The following F5 variants were observed in gnomAD, a reference collection of about 807,000 sequenced individuals.
F5 encodes coagulation factor V, also known as activated protein c cofactor.
A neutral mutation model predicts 216.4 loss-of-function variants in F5; 138 were observed. The observed-to-expected ratio is 0.64, with a 90% CI of 0.56 to 0.73. The LOEUF (loss-of-function observed/expected upper bound fraction) is 0.73, where lower values mean the gene tolerates loss of function less well. Among genes scored for constraint, F5 ranks in the 30% least tolerant of loss-of-function variants. F5 has a pLI of 0.00. For missense variants in F5, 2,403 were observed against 2,674.0 expected (o/e 0.90, Z 2.24); for synonymous variants, 916 against 930.7 (o/e 0.98, Z 0.29).
chr1:169,572,432 G>A lies in F5; in HGVS notation c.251-89C>T, dbSNP rs1660747552. 3 of 1,488,316 alleles carry A rather than the reference G, an allele frequency of 2.0e-6. No individual in the cohort carries two copies. The South Asian group carries it at 3.4e-5, about 17-fold the overall frequency. The allele number at this position is 1,488,316 out of a possible 1,614,324, so 92.2% of individuals were successfully genotyped here. On this transcript the variant is annotated intron_variant, in intron 2 of 24. Coordinates refer to ENST00000367797, the MANE Select transcript of F5 (RefSeq NM_000130.5). ...AAGAAAAACAAACAGATGATACCAA[G>A]AGTGATTGCTACCATTCCTCCTGGT... is the stretch of plus-strand genomic sequence containing the variant.
intron 13 of F5, among the ~76,000 whole-genome samples, chr1:169,538,892 T>C (rs1180280930): frequency 6.6e-6 from 1 of 152,136 alleles, no homozygotes; most frequent in Non-Finnish European, 1.5e-5. Flanking sequence ...ATCAGTGTGC[T>C]GGTTGTGATA....
rs920842983 is a variant in F5, at chr1:169,513,929, C to T, written c.*384G>A. Among the ~76,000 whole-genome samples, 4 of 152,102 alleles carry T rather than the reference C, an allele frequency of 2.6e-5. No individual in the cohort carries two copies. The highest frequency in any genetic ancestry group is 2.6e-4 in the Admixed American group (4 of 15,254). ...AAATCATGTGTTTGTGAAAGTTATC[C>T]AGGTCTATCAATTATTATTTAAAGT... On this transcript the variant is annotated 3_prime_UTR_variant, in exon 25 of 25. Transcript: ENST00000367797.
In F5 at chr1:169,512,880, C is replaced by T. The variant is rs1324064139; in HGVS notation, c.*1433G>A. ...TATGCAGTTCCCTTCTACACTGAAT[C>T]GAGACTGGCCTGTAATTTGTGTTCA... On this transcript the variant is annotated 3_prime_UTR_variant, in exon 25 of 25. Transcript: ENST00000367797. 4.6e-5 allele frequency among the ~76,000 whole-genome samples: 7 copies of T among 152,052 alleles called. No homozygotes were observed. Among genetic ancestry groups the T allele is most frequent in the Non-Finnish European group, 1.0e-4 (7 of 67,986 alleles).
chr1:169,515,859 T>C (rs1054129401), intron 23 of F5: 4 of 524,050 alleles, frequency 7.6e-6, no homozygotes. Flanking sequence ...CTTCTTAGCA[T>C]TCCTTACTGC....
At chr1:169,518,777 C>T (rs1487610651) in intron 22 of F5, among the ~76,000 whole-genome samples, 1 of 152,070 alleles carries the variant, frequency 6.6e-6, no homozygotes, top group Non-Finnish European at 1.5e-5. Context: ...TTAGTACAGC[C>T]AAAACACAGT....
chr1:169,522,277 G>T (rs1659327790), intron 21 of F5, among the ~76,000 whole-genome samples: 1 of 152,074 alleles, frequency 6.6e-6, no homozygotes, highest in African/African-American at 2.4e-5. Flanking sequence ...ACCAATTGCA[G>T]ACATTTTCTC....
chr1:169,555,073 T>C, intron 7 of F5, 109 bp downstream of exon 7: 4 of 1,228,170 alleles, frequency 3.3e-6, no homozygotes, highest in Non-Finnish European at 4.8e-6. Context: ...TAGAAACCAA[T>C]ACATGTGTCC....
chr1:169,524,529 G>A (rs1659389952), intron 19 of F5, among the ~76,000 whole-genome samples: 1 of 152,134 alleles, frequency 6.6e-6, no homozygotes, highest in Non-Finnish European at 1.5e-5. Context: ...AGAGAGGCTG[G>A]GCTTTTTATG....
intron 2 of F5, among the ~76,000 whole-genome samples, chr1:169,575,224 G>C (rs1309759601): frequency 2.6e-5 from 4 of 152,186 alleles, no homozygotes; most frequent in African/African-American, 9.7e-5. Flanking sequence ...ATTCTAAAAA[G>C]TTAGAGTAGC....
intron 13 of F5, among the ~76,000 whole-genome samples, chr1:169,537,100 A>G (rs1659721585): frequency 6.6e-6 from 1 of 152,132 alleles, no homozygotes. Context: ...CATTGTGCCT[A>G]GTTTGCTCAT....
rs1375341249 is a variant in F5 at position 169,531,041 on chromosome 1, C to T, written c.4972-19G>A. The T allele has an allele frequency of 6.4e-7, 1 of 1,570,592 alleles. No homozygotes were observed. The highest frequency in any genetic ancestry group is 8.7e-7 in the Non-Finnish European group (1 of 1,145,086). On this transcript the variant is annotated intron_variant, in intron 14 of 24. Transcript: ENST00000367797. ...AACGAACCTAGGAAAAGGAATGATC[C>T]ACAAATGTACTTAAGCTTAACAAAA...
At chr1:169,573,693 G>C (rs964504334) in intron 2 of F5, among the ~76,000 whole-genome samples, 10 of 152,224 alleles carry the variant, frequency 6.6e-5, no homozygotes, top group Admixed American at 5.2e-4. Flanking sequence ...GCCAGGCACT[G>C]TGTTAGAAAG....
In F5 at chr1:169,515,445, T is replaced by C; in HGVS notation, c.6527A>G (p.Lys2176Arg). ...PYRLKSSMVD[K>R]IFEGNTNTKG... The stretch of plus-strand genomic sequence containing the variant: ...CTCTTTGCCCAGATGCCACTCTACC[T>C]TGTCCACCATGGAGGATTTCAGCCT... The change falls in exon 24 of 25, where the codon AAG (lysine) becomes AGG (arginine). Residue 2176 changes from lysine to arginine, a missense_variant and splice_region_variant. Coordinates refer to ENST00000367797, the MANE Select transcript of F5 (RefSeq NM_000130.5). The C allele has an allele frequency of 6.2e-7, 1 of 1,613,222 alleles. No homozygotes were observed. Among genetic ancestry groups the C allele is most frequent in the Non-Finnish European group, 8.5e-7 (1 of 1,179,524 alleles).
At chr1:169,528,327 A>G (rs1482827100) in intron 16 of F5, among the ~76,000 whole-genome samples, 1 of 151,716 alleles carries the variant, frequency 6.6e-6, no homozygotes, top group African/African-American at 2.4e-5. Flanking sequence ...GGCAGGGGGA[A>G]CTCCCTTTCC....
chr1:169,530,465 G>A (rs1557910056), intron 15 of F5, among the ~76,000 whole-genome samples: 1 of 152,182 alleles, frequency 6.6e-6, no homozygotes, highest in Non-Finnish European at 1.5e-5. Flanking sequence ...CATAAAGAAA[G>A]AGCAGAACAT....
intron 1 of F5, 36 bp from the exon 2 acceptor site, chr1:169,582,558 T>C (rs926813347): frequency 1.8e-6 from 2 of 1,136,974 alleles, no homozygotes; most frequent in African/African-American, 3.0e-5. Flanking sequence ...TTGAAAGGCA[T>C]ATTCAATATC....
At position 169,586,468 on chromosome 1, in the gene F5, G is replaced by T; in HGVS notation, c.-82C>A. 1.3e-6 allele frequency: 2 copies of T among 1,542,958 alleles called. No individual in the cohort carries two copies. Among genetic ancestry groups the T allele is most frequent in the African/African-American group, 1.4e-5 (1 of 73,464 alleles). On this transcript the variant is annotated 5_prime_UTR_variant, in exon 1 of 25. Transcript: ENST00000367797. ...CGAGCTGCTAACCACACTCCGGGCT[G>T]TCCCAGCTGCAATGAGCTCTAGAGG...
rs760694648 is a variant in F5 at position 169,560,766 on chromosome 1, C to A, written c.374G>T (p.Gly125Val). The change falls in exon 4 of 25, where the codon GGT (glycine) becomes GTT (valine). Residue 125 changes from glycine to valine, a missense_variant and splice_region_variant. This residue lies in a region of F5 where 1,425 missense variants were observed against 1,554.8 expected (regional missense o/e 0.92). Coordinates refer to ENST00000367797, the MANE Select transcript of F5 (RefSeq NM_000130.5). The stretch of plus-strand genomic sequence containing the variant: ...GAATGTGTGGTCAAGGTAAGAAGCA[C>A]CTGGAGGAGTAACAGCCATCAAGAC... Reference protein sequence around the residue: ...QGIRYSKLSEGASYLDHTFPA... With the variant: ...QGIRYSKLSEVASYLDHTFPA... 1 of 1,611,766 alleles carries A rather than the reference C, an allele frequency of 6.2e-7. No individual in the cohort carries two copies. Among genetic ancestry groups the A allele is most frequent in the Non-Finnish European group, 8.5e-7 (1 of 1,179,600 alleles).
intron 22 of F5, among the ~76,000 whole-genome samples, chr1:169,518,995 A>G (rs1300970560): frequency 6.6e-6 from 1 of 152,226 alleles, no homozygotes; most frequent in Non-Finnish European, 1.5e-5. Flanking sequence ...TACCAAGAAG[A>G]TACAATGGAC....
Sources: gnomAD v4.1 joint callset for allele counts (sites outside exome capture counted in the v4.1 genomes callset) on GRCh38, gnomAD v4.1.1 for gene constraint, gnomAD v4.1.1 regional missense constraint, MANE v1.5 for transcripts, NCBI Gene and HGNC (gene_info 2026-07-23, HGNC 2026-07-21) for gene names.